The following JDP2 variants were observed in gnomAD, a reference collection of about 807,000 sequenced individuals.
JDP2 encodes progesterone receptor co-activator.
Under a neutral mutation model 17.1 loss-of-function variants are expected in JDP2, and 9 were observed. That is an observed-to-expected ratio of 0.53 (90% CI 0.32 to 0.92). JDP2 has a LOEUF of 0.92. JDP2 is among the 40% of genes least tolerant of loss of function. The pLI is 0.04. For synonymous variants in JDP2, 107 were observed against 95.6 expected, an observed-to-expected ratio of 1.12 and a Z score of -0.69; for missense variants, 179 against 220.0, an observed-to-expected ratio of 0.81 and a Z score of 1.18.
intron 2 of JDP2, among the ~76,000 whole-genome samples, chr14:75,451,316 G>C (rs1043747127): frequency 6.6e-6 from 1 of 151,948 alleles, no homozygotes; most frequent in African/African-American, 2.4e-5. Context: ...TGACAGTGGG[G>C]GTGGATGGGG....
chr14:75,431,009 T>C (rs1419915882), intron 1 of JDP2, among the ~76,000 whole-genome samples: 1 of 152,104 alleles, frequency 6.6e-6, no homozygotes, highest in African/African-American at 2.4e-5. Flanking sequence ...CAGAGCTCCA[T>C]TTGCAAAGCT....
chr14:75,458,202 G>A lies in JDP2; in HGVS notation c.202-3224G>A, dbSNP rs1187018096. 2.0e-5 allele frequency among the ~76,000 whole-genome samples: 3 copies of A among 152,158 alleles called. No individual in the cohort carries two copies. The South Asian group carries it at 6.2e-4, about 32-fold the overall frequency. On this transcript the variant is annotated intron_variant, in intron 2 of 3. Transcript: ENST00000651602. Reference sequence around the variant, plus strand: ...TTAACTTTTAAGTTCAGGGGTATGTGTGCAGATTTGTTATATAGGTAAATT... The same window carrying A: ...TTAACTTTTAAGTTCAGGGGTATGTATGCAGATTTGTTATATAGGTAAATT...
chr14:75,441,454 T>G (rs1269030699), intron 2 of JDP2, among the ~76,000 whole-genome samples: 1 of 152,242 alleles, frequency 6.6e-6, no homozygotes, highest in Non-Finnish European at 1.5e-5. Flanking sequence ...TGCTGAGCAC[T>G]GCACCAGGCA....
At position 75,465,811 on chromosome 14, in the gene JDP2, G is replaced by T. The variant is rs180947727; in HGVS notation, c.307-3479G>T. ...GCCTTTGCCGACCACAGTGTAGGAG[G>T]CAGAACCTTAATATGCACTAATTCT... On this transcript the variant is annotated intron_variant, in intron 3 of 3. Coordinates refer to ENST00000651602, the MANE Select transcript of JDP2 (RefSeq NM_001135048.2). 2.6e-5 allele frequency among the ~76,000 whole-genome samples: 4 copies of T among 152,304 alleles called. No individual in the cohort carries two copies. In the East Asian group the frequency reaches 7.7e-4, roughly 29 times the overall value.
intron 3 of JDP2, among the ~76,000 whole-genome samples, chr14:75,468,823 T>C (rs908487550): frequency 3.3e-5 from 5 of 152,218 alleles, no homozygotes; most frequent in Non-Finnish European, 7.3e-5. Flanking sequence ...CCCACATGTG[T>C]CTGTCACACA....
At chr14:75,458,880 A>G (rs1349418857) in intron 2 of JDP2, among the ~76,000 whole-genome samples, 1 of 152,162 alleles carries the variant, frequency 6.6e-6, no homozygotes, top group Non-Finnish European at 1.5e-5. Flanking sequence ...AGGGTGAGAC[A>G]TTTGGACTAG....
chr14:75,431,428 A>C (rs1406312579), intron 1 of JDP2, among the ~76,000 whole-genome samples: 1 of 152,116 alleles, frequency 6.6e-6, no homozygotes, highest in African/African-American at 2.4e-5. Flanking sequence ...GAACCCAGCT[A>C]CCGCTCCTTG....
chr14:75,429,666 T>C (rs932878452), intron 1 of JDP2, among the ~76,000 whole-genome samples: 1 of 152,188 alleles, frequency 6.6e-6, no homozygotes, highest in African/African-American at 2.4e-5. Context: ...AGGTATCAGG[T>C]GTGAGCATGG....
intron 2 of JDP2, among the ~76,000 whole-genome samples, chr14:75,452,333 A>G (rs1280881153): frequency 6.6e-6 from 1 of 152,206 alleles, no homozygotes; most frequent in African/African-American, 2.4e-5. Context: ...CACTTGTAAA[A>G]TAAGGCCCCT....
intron 1 of JDP2, among the ~76,000 whole-genome samples, chr14:75,437,598 A>G (rs969884641): frequency 1.3e-5 from 2 of 152,236 alleles, no homozygotes; most frequent in Admixed American, 1.3e-4. Context: ...CAGGATTACC[A>G]TGGGGCCTGG....
intron 1 of JDP2, among the ~76,000 whole-genome samples, chr14:75,437,087 G>A (rs574302343): frequency 3.3e-5 from 5 of 151,206 alleles, no homozygotes; most frequent in South Asian, 2.1e-4. Context: ...CCAGCTACTC[G>A]TGAGGCTGAG....
Position 75,463,615 on chromosome 14 carries a change from C to T in JDP2, c.306+2085C>T, listed in dbSNP as rs1886435122. On this transcript the variant is annotated intron_variant, in intron 3 of 3. Coordinates refer to ENST00000651602, the MANE Select transcript of JDP2 (RefSeq NM_001135048.2). ...TTCAGACATAAAAGAGGAGTAGGAG[C>T]AGTGAGATGGAGGCCCTAGGGGGTT... Among the ~76,000 whole-genome samples, 5 of 152,142 alleles carry T rather than the reference C, an allele frequency of 3.3e-5. No individual in the cohort carries two copies. The South Asian group carries it at 1.0e-3, about 32-fold the overall frequency.
rs974606971 is a variant in JDP2, at chr14:75,464,340, C to T, written c.306+2810C>T. 1.2e-4 allele frequency among the ~76,000 whole-genome samples: 19 copies of T among 152,254 alleles called. No individual in the cohort carries two copies. In the East Asian group the frequency reaches 2.7e-3, roughly 22 times the overall value. On this transcript the variant is annotated intron_variant, in intron 3 of 3. Transcript: ENST00000651602. ...TACAGTTGGGACAAATATCTACAGG[C>T]GGCCTTTCATAGCCAAGGGTTCTGC...
At chr14:75,444,464 C>A (rs1472268010) in intron 2 of JDP2, among the ~76,000 whole-genome samples, 1 of 152,176 alleles carries the variant, frequency 6.6e-6, no homozygotes, top group Non-Finnish European at 1.5e-5. Context: ...GGGGCTACTT[C>A]TGGGGCCTGG....
rs77901934 is a variant in JDP2 at position 75,438,948 on chromosome 14, C to T, written c.201+827C>T. Among the ~76,000 whole-genome samples the T allele has an allele frequency of 5.3e-3, 803 of 152,334 alleles. 6 individuals are homozygous for T. The highest frequency in any genetic ancestry group is 0.019 in the East Asian group (99 of 5,180). The stretch of plus-strand genomic sequence containing the variant: ...CAGCGCCGTTTCTTCAGAGGCCTGC[C>T]AGAGTAGCTGCCCCCTGGAAAGGAG... On this transcript the variant is annotated intron_variant, in intron 2 of 3. Coordinates refer to ENST00000651602, the MANE Select transcript of JDP2 (RefSeq NM_001135048.2).
At chr14:75,433,195 CAAAAAAAAA>C (rs780191475) in intron 1 of JDP2, among the ~76,000 whole-genome samples, 5 of 19,374 alleles carry the variant, frequency 2.6e-4, no homozygotes, top group Non-Finnish European at 4.8e-4. Context: ...AACTCCGTCT[CAAAAAAAAA>C]AAAAAAAAAA....
rs142841821 is a variant in JDP2 at position 75,453,104 on chromosome 14, T to C, written c.202-8322T>C. 1.0e-3 allele frequency among the ~76,000 whole-genome samples: 159 copies of C among 151,802 alleles called. 1 individual carries two copies. Among genetic ancestry groups the C allele is most frequent in the African/African-American group, 3.7e-3 (153 of 41,364 alleles). Reference sequence around the variant, plus strand: ...CCTCCCTCCTGGAGTGGGAGGAGGCTATGGGCCTAGCCGGCTGGGCAGGCT... The same window carrying C: ...CCTCCCTCCTGGAGTGGGAGGAGGCCATGGGCCTAGCCGGCTGGGCAGGCT... On this transcript the variant is annotated intron_variant, in intron 2 of 3. Coordinates refer to ENST00000651602, the MANE Select transcript of JDP2 (RefSeq NM_001135048.2).
intron 1 of JDP2, among the ~76,000 whole-genome samples, chr14:75,429,704 G>A (rs1884708451): frequency 6.6e-6 from 1 of 152,310 alleles, no homozygotes; most frequent in East Asian, 1.9e-4. Context: ...CCTGAGGATC[G>A]AGGAAGAGAA....
rs925630340 is a variant in JDP2 at position 75,469,684 on chromosome 14, A to C, written c.*209A>C. Reference sequence around the variant, plus strand: ...CGGGCTGAGGAAACCCAGAGGGACCAAGCGCTGAGACCAAAGTTGACCCTC... The same window carrying C: ...CGGGCTGAGGAAACCCAGAGGGACCCAGCGCTGAGACCAAAGTTGACCCTC... On this transcript the variant is annotated 3_prime_UTR_variant, in exon 4 of 4. Coordinates refer to ENST00000651602, the MANE Select transcript of JDP2 (RefSeq NM_001135048.2). The C allele has an allele frequency of 1.0e-4, 58 of 562,966 alleles. No individual in the cohort carries two copies. Among genetic ancestry groups the C allele is most frequent in the Admixed American group, 3.2e-4 (10 of 31,298 alleles). The allele number at this position is 562,966 out of a possible 1,614,324, so 34.9% of individuals were successfully genotyped here. A position where few individuals can be genotyped will look rare whatever the true frequency, so the allele number is the denominator to read the frequency against.
Sources: gnomAD v4.1 joint callset for allele counts (sites outside exome capture counted in the v4.1 genomes callset) on GRCh38, gnomAD v4.1.1 for gene constraint, MANE v1.5 for transcripts, NCBI Gene and HGNC (gene_info 2026-07-23, HGNC 2026-07-21) for gene names.